The following LOC400499 variants were observed in gnomAD, a reference collection of about 807,000 sequenced individuals.
chr16:11,418,361 C>G, the LOC400499 span, among the ~76,000 whole-genome samples: 1 of 152,158 alleles, frequency 6.6e-6, no homozygotes. Flanking sequence ...GCACAAGATA[C>G]AGGTCATAAA....
the LOC400499 span, among the ~76,000 whole-genome samples, chr16:11,442,994 G>A: frequency 3.9e-5 from 6 of 152,074 alleles, no homozygotes; most frequent in East Asian, 1.9e-4. Context: ...ACAGCTGCCT[G>A]GTTCACCCTC....
At chr16:11,436,809 G>C in the LOC400499 span, among the ~76,000 whole-genome samples, 1 of 151,826 alleles carries the variant, frequency 6.6e-6, no homozygotes, top group Non-Finnish European at 1.5e-5. Flanking sequence ...TCCCAGGTTG[G>C]TCTCGAACTT....
At chr16:11,392,947 G>T in the LOC400499 span, 16 of 320,992 alleles carry the variant, frequency 5.0e-5, no homozygotes, top group African/African-American at 3.1e-4. Context: ...TCCGCTTCCC[G>T]GGTTCACGCC....
the LOC400499 span, among the ~76,000 whole-genome samples, chr16:11,415,859 A>G: frequency 7.9e-5 from 12 of 152,062 alleles, no homozygotes; most frequent in South Asian, 1.9e-3. Flanking sequence ...CCTGAGGTCA[A>G]CTCAGACTGG....
the LOC400499 span, among the ~76,000 whole-genome samples, chr16:11,436,073 C>T: frequency 6.6e-6 from 1 of 152,208 alleles, no homozygotes; most frequent in Non-Finnish European, 1.5e-5. Context: ...CTGGCTCCAG[C>T]TCCTGGCCCA....
chr16:11,415,111 T>C, the LOC400499 span, among the ~76,000 whole-genome samples: 1 of 152,122 alleles, frequency 6.6e-6, no homozygotes, highest in Non-Finnish European at 1.5e-5. Context: ...TCCCCACAAA[T>C]GGCCACTGCG....
At chr16:11,374,911 C>T in the LOC400499 span, among the ~76,000 whole-genome samples, 4,102 of 152,074 alleles carry the variant, frequency 0.027, 186 homozygotes, top group African/African-American at 0.093. Context: ...TGCGGTGGTG[C>T]GATCTTAGCT....
chr16:11,408,720 C>T, the LOC400499 span, among the ~76,000 whole-genome samples: 1 of 152,074 alleles, frequency 6.6e-6, no homozygotes, highest in Non-Finnish European at 1.5e-5. Flanking sequence ...TCCTTGGCCT[C>T]CCAAAGTGTT....
At chr16:11,460,014 G>A in the LOC400499 span, 9 of 1,490,694 alleles carry the variant, frequency 6.0e-6, no homozygotes, top group East Asian at 2.5e-5. Flanking sequence ...CTCCAGCTGT[G>A]AGTGCAGGTG....
the LOC400499 span, among the ~76,000 whole-genome samples, chr16:11,394,777 G>T: frequency 6.6e-6 from 1 of 152,156 alleles, no homozygotes; most frequent in Admixed American, 6.5e-5. Context: ...CCACAGCCGT[G>T]GGTCCTGGCA....
chr16:11,413,711 A>G, the LOC400499 span, among the ~76,000 whole-genome samples: 7 of 152,228 alleles, frequency 4.6e-5, no homozygotes, highest in African/African-American at 4.8e-5. Context: ...TCACTGTCAG[A>G]CCATCAGCAT....
chr16:11,376,759 C>T, the LOC400499 span, among the ~76,000 whole-genome samples: 1 of 152,084 alleles, frequency 6.6e-6, no homozygotes, highest in African/African-American at 2.4e-5. Context: ...AGCAATTACG[C>T]TAAACCTGTA....
At chr16:11,422,132 G>T in the LOC400499 span, among the ~76,000 whole-genome samples, 1 of 152,198 alleles carries the variant, frequency 6.6e-6, no homozygotes, top group Admixed American at 6.5e-5. Flanking sequence ...CTGGGTACAT[G>T]GCCCATGCCT....
the LOC400499 span, chr16:11,440,985 C>G: frequency 2.5e-6 from 1 of 398,952 alleles, no homozygotes; most frequent in Non-Finnish European, 4.4e-6. Context: ...CCGGATTTCC[C>G]CATGCTGAGA....
At chr16:11,466,448 C>T in the LOC400499 span, among the ~76,000 whole-genome samples, 10 of 151,666 alleles carry the variant, frequency 6.6e-5, no homozygotes, top group East Asian at 3.9e-4. Context: ...AGTAAAGTGG[C>T]GTGATCTTGG....
chr16:11,374,545 T>C, the LOC400499 span, among the ~76,000 whole-genome samples: 6 of 152,216 alleles, frequency 3.9e-5, no homozygotes, highest in Admixed American at 1.3e-4. Flanking sequence ...TGAAACTTAT[T>C]ACTCGAGGTC....
chr16:11,516,403 C>G, the LOC400499 span: 2 of 398,022 alleles, frequency 5.0e-6, no homozygotes, highest in South Asian at 1.4e-4. Flanking sequence ...TTCCTACAGG[C>G]CAGCCCCCAT....
the LOC400499 span, among the ~76,000 whole-genome samples, chr16:11,449,314 G>C: frequency 7.2e-5 from 11 of 152,286 alleles, no homozygotes; most frequent in East Asian, 3.9e-4. Context: ...ACTCCTCTCT[G>C]TTGCCCCAAC....
the LOC400499 span, chr16:11,390,281 G>C: frequency 1.6e-6 from 2 of 1,232,722 alleles, no homozygotes; most frequent in Non-Finnish European, 2.0e-6. Context: ...TCACTCACCA[G>C]CTCCAGGGCT....
Sources: allele counts gnomAD v4.1 joint callset (sites outside exome capture counted in the v4.1 genomes callset), GRCh38; gene constraint gnomAD v4.1.1; transcripts MANE v1.5.